RBFOX1: variants seen among roughly 807,000 people sequenced by gnomAD.
The protein encoded by RBFOX1 is RNA binding fox-1 homolog 1.
A neutral mutation model predicts 57.7 loss-of-function variants in RBFOX1; 8 were observed. The observed-to-expected ratio is 0.14, with a 90% confidence interval of 0.08 to 0.25. The LOEUF is 0.25. Ranked by LOEUF, RBFOX1 falls within the 10% of genes least tolerant of loss-of-function variation. The pLI, the probability that RBFOX1 is intolerant of heterozygous loss-of-function variation, is 1.00. For missense variants in RBFOX1, 611 were observed against 548.5 expected, an observed-to-expected ratio of 1.11 and a Z score of -1.14; for synonymous variants, 326 against 222.4, an observed-to-expected ratio of 1.47 and a Z score of -4.15.
At chr16:7,512,167 T>C (rs533286146) in intron 4 of RBFOX1, among the ~76,000 whole-genome samples, 2 of 152,224 alleles carry the variant, frequency 1.3e-5, no homozygotes, top group African/African-American at 4.8e-5. Flanking sequence ...AATGAGGGAA[T>C]GTCTAGCCAG....
chr16:7,438,740 T>C (rs764385145), intron 4 of RBFOX1, among the ~76,000 whole-genome samples: 3 of 152,186 alleles, frequency 2.0e-5, no homozygotes, highest in Non-Finnish European at 4.4e-5. Context: ...GCTGAGGCTA[T>C]GGTTCATTCT....
chr16:7,263,123 G>A (rs1191412259), intron 4 of RBFOX1, among the ~76,000 whole-genome samples: 1 of 152,164 alleles, frequency 6.6e-6, no homozygotes, highest in Non-Finnish European at 1.5e-5. Flanking sequence ...CAGCAAATGA[G>A]AAATTAAATG....
chr16:7,351,499 T>C (rs968188717), intron 4 of RBFOX1, among the ~76,000 whole-genome samples: 15 of 152,214 alleles, frequency 9.9e-5, no homozygotes, highest in African/African-American at 3.6e-4. Context: ...CCATAATGTA[T>C]ATATAAACTG....
intron 1 of RBFOX1, among the ~76,000 whole-genome samples, chr16:5,464,484 C>G (rs911958227): frequency 1.3e-5 from 2 of 152,228 alleles, no homozygotes; most frequent in Admixed American, 6.5e-5. Context: ...GGACTAAGCT[C>G]TCTGGGTGGG....
chr16:5,362,398 T>C (rs2065577933), intron 1 of RBFOX1, among the ~76,000 whole-genome samples: 1 of 151,564 alleles, frequency 6.6e-6, no homozygotes, highest in African/African-American at 2.4e-5. Context: ...GTTTCGCTCT[T>C]GTTGCCCAGG....
intron 4 of RBFOX1, among the ~76,000 whole-genome samples, chr16:7,479,706 G>A (rs2063489929): frequency 1.3e-5 from 2 of 152,118 alleles, no homozygotes; most frequent in Non-Finnish European, 2.9e-5. Context: ...GGGGAAGTGG[G>A]GCACCTGGAG....
chr16:6,945,551 C>G (rs2079336985), intron 3 of RBFOX1, among the ~76,000 whole-genome samples: 1 of 152,090 alleles, frequency 6.6e-6, no homozygotes, highest in African/African-American at 2.4e-5. Flanking sequence ...ATCTGTGACT[C>G]ATGGGCAACC....
intron 3 of RBFOX1, among the ~76,000 whole-genome samples, chr16:6,727,141 A>G (rs1006874380): frequency 1.3e-5 from 2 of 150,692 alleles, no homozygotes; most frequent in African/African-American, 4.9e-5. Context: ...TAAAACATGT[A>G]TATATTTGCC....
At chr16:5,852,173 C>A (rs573353807) in intron 3 of RBFOX1, among the ~76,000 whole-genome samples, 1 of 152,232 alleles carries the variant, frequency 6.6e-6, no homozygotes, top group South Asian at 2.1e-4. Flanking sequence ...GCAGGGAAAG[C>A]TTCCTTATCT....
At chr16:6,481,502 C>T (rs1442284819) in intron 2 of RBFOX1, among the ~76,000 whole-genome samples, 1 of 152,216 alleles carries the variant, frequency 6.6e-6, no homozygotes, top group Admixed American at 6.5e-5. Context: ...CTTCCTATAA[C>T]CTTGCTTTTG....
intron 1 of RBFOX1, among the ~76,000 whole-genome samples, chr16:5,370,250 T>G (rs1220874447): frequency 6.6e-6 from 1 of 152,116 alleles, no homozygotes; most frequent in Non-Finnish European, 1.5e-5. Context: ...TTCTTGGCAT[T>G]GAAAGCACAA....
At chr16:7,434,651 G>C (rs1598352129) in intron 4 of RBFOX1, among the ~76,000 whole-genome samples, 1 of 151,914 alleles carries the variant, frequency 6.6e-6, no homozygotes, top group East Asian at 1.9e-4. Flanking sequence ...TTTTATTTTA[G>C]AATACTTTTA....
intron 3 of RBFOX1, among the ~76,000 whole-genome samples, chr16:6,759,509 GTGTGTGTGTGTGT>G (rs2076302306): frequency 2.9e-5 from 4 of 136,406 alleles, no homozygotes; most frequent in East Asian, 5.2e-4. Flanking sequence ...GTGTGTGTGT[GTGTGTGTGTGTGT>G]ATTTTCAGTT....
intron 1 of RBFOX1, among the ~76,000 whole-genome samples, chr16:6,265,398 A>G (rs1303630406): frequency 6.6e-6 from 1 of 151,996 alleles, no homozygotes; most frequent in African/African-American, 2.4e-5. Context: ...AGTAGCTGGG[A>G]TTACAGGTGA....
intron 3 of RBFOX1, among the ~76,000 whole-genome samples, chr16:6,701,127 G>T (rs72636208): frequency 1.5e-5 from 2 of 130,398 alleles, no homozygotes; most frequent in Non-Finnish European, 1.6e-5. Context: ...CAGTGTCTCT[G>T]TGTGTGTATG....
At chr16:7,362,464 TTG>T (rs1477723113) in intron 4 of RBFOX1, among the ~76,000 whole-genome samples, 8 of 151,480 alleles carry the variant, frequency 5.3e-5, no homozygotes, top group Non-Finnish European at 4.4e-5. Context: ...ATATATGTTT[TTG>T]TGTGTGTTTG....
chr16:6,948,710 C>T (rs1007150023), intron 3 of RBFOX1, among the ~76,000 whole-genome samples: 1 of 152,118 alleles, frequency 6.6e-6, no homozygotes, highest in East Asian at 1.9e-4. Flanking sequence ...AAACTCCCTC[C>T]TCCATCATTT....
At chr16:6,687,859 T>C (rs1346218736) in intron 3 of RBFOX1, among the ~76,000 whole-genome samples, 2 of 152,152 alleles carry the variant, frequency 1.3e-5, no homozygotes, top group African/African-American at 4.8e-5. Context: ...AAATGTGTGC[T>C]CAGGAAGCAC....
At chr16:6,076,444 G>T (rs890891542) in intron 1 of RBFOX1, among the ~76,000 whole-genome samples, 7 of 152,014 alleles carry the variant, frequency 4.6e-5, no homozygotes, top group African/African-American at 1.7e-4. Flanking sequence ...TGCAGTGTTT[G>T]CCTGAGCTTT....
Sources: gnomAD v4.1 joint callset for allele counts (sites outside exome capture counted in the v4.1 genomes callset) on GRCh38, gnomAD v4.1.1 for gene constraint, MANE v1.5 for transcripts, NCBI Gene and HGNC (gene_info 2026-07-23, HGNC 2026-07-21) for gene names.